The following MAJIN variants were observed in gnomAD, a reference collection of about 807,000 sequenced individuals.
MAJIN encodes membrane anchored junction protein.
Under a neutral mutation model 30.2 loss-of-function variants are expected in MAJIN, and 27 were observed. The observed-to-expected ratio is 0.89, with a 90% CI of 0.66 to 1.23. The LOEUF (loss-of-function observed/expected upper bound fraction) is 1.23, where lower values mean the gene tolerates loss of function less well. Among genes scored for constraint, MAJIN ranks in the 50% most tolerant of loss-of-function variants. The probability of loss-of-function intolerance (pLI) is 0.00; values close to 1 mark genes in which losing one functional copy is unlikely to be tolerated. For missense variants in MAJIN, 253 were observed against 260.3 expected (o/e 0.97, Z 0.19); for synonymous variants, 78 against 91.6 (o/e 0.85, Z 0.85).
chr11:64,946,497 T>C lies in MAJIN; in HGVS notation c.473+877A>G, dbSNP rs140500268. On this transcript the variant is annotated intron_variant, in intron 8 of 10. Coordinates refer to ENST00000301896, the MANE Select transcript of MAJIN (RefSeq NM_001037225.3). ...TCAGTCGAATGGAACAAAGCAAAGC[T>C]TCATACCTCCAAGTACCCTCACATT... Among the ~76,000 whole-genome samples the C allele has an allele frequency of 1.8e-3, 271 of 152,308 alleles. 3 individuals carry two copies. The highest frequency in any genetic ancestry group is 0.012 in the South Asian group (56 of 4,830).
intron 9 of MAJIN, chr11:64,939,985 T>C: frequency 2.3e-6 from 1 of 441,938 alleles, no homozygotes; most frequent in Non-Finnish European, 4.1e-6. Context: ...CTGGGATATT[T>C]ACACAGCTCA....
chr11:64,969,838 G>A (rs1282036873), intron 1 of MAJIN, among the ~76,000 whole-genome samples: 1 of 152,038 alleles, frequency 6.6e-6, no homozygotes, highest in African/African-American at 2.4e-5. Flanking sequence ...ATAAGGTGAG[G>A]GAGAGCGATG....
At chr11:64,960,016 A>T (rs1945698691) in intron 2 of MAJIN, 73 bp downstream of exon 2, 1 of 152,256 alleles carries the variant, frequency 6.6e-6, no homozygotes, top group Non-Finnish European at 1.5e-5. Flanking sequence ...AGATCTATCA[A>T]TTACTCTTCC....
chr11:64,962,560 TATGGG>T (rs1464272728), intron 1 of MAJIN, among the ~76,000 whole-genome samples: 2 of 152,162 alleles, frequency 1.3e-5, no homozygotes, highest in African/African-American at 4.8e-5. Flanking sequence ...TTACAGGCAG[TATGGG>T]ATAGTGCAAA....
intron 9 of MAJIN, 66 bp downstream of exon 9, chr11:64,940,508 A>C (rs563989848): frequency 1.5e-5 from 23 of 1,510,342 alleles, no homozygotes; most frequent in Non-Finnish European, 2.0e-5. Context: ...TGCTCTACAT[A>C]TCAGAGAACT....
At chr11:64,948,313 A>G (rs970489536) in intron 6 of MAJIN, among the ~76,000 whole-genome samples, 1 of 151,978 alleles carries the variant, frequency 6.6e-6, no homozygotes, top group Admixed American at 6.6e-5. Flanking sequence ...TCTACAAGCT[A>G]GAAAGGGTTT....
chr11:64,957,169 C>T (rs1415906855), intron 3 of MAJIN, among the ~76,000 whole-genome samples: 1 of 152,038 alleles, frequency 6.6e-6, no homozygotes, highest in African/African-American at 2.4e-5. Context: ...CCTCAACTCC[C>T]TGGGGCCAAC....
At chr11:64,964,775 T>C (rs766915485) in intron 1 of MAJIN, among the ~76,000 whole-genome samples, 7 of 152,028 alleles carry the variant, frequency 4.6e-5, no homozygotes, top group African/African-American at 7.2e-5. Flanking sequence ...TCTGTAGATA[T>C]GGGGTTTCGC....
Position 64,938,476 on chromosome 11 carries a change from G to T in MAJIN, c.*99C>A. On this transcript the variant is annotated 3_prime_UTR_variant, in exon 11 of 11. Transcript: ENST00000301896. Reference sequence around the variant, plus strand: ...GAGTTGGAGGAAGAATGGCTCGGGAGGAGTCACTACAAGAGATGATCCTCT... The same window carrying T: ...GAGTTGGAGGAAGAATGGCTCGGGATGAGTCACTACAAGAGATGATCCTCT... The T allele has an allele frequency of 6.6e-7, 1 of 1,506,148 alleles. No individual in the cohort carries two copies. Among genetic ancestry groups the T allele is most frequent in the Non-Finnish European group, 8.9e-7 (1 of 1,119,780 alleles). 93.3% of individuals were successfully genotyped at this position (1,506,148 alleles called of 1,614,324 possible). A position where few individuals can be genotyped will look rare whatever the true frequency, so the allele number is the denominator to read the frequency against.
chr11:64,948,641 T>TA (rs1340869416), intron 6 of MAJIN, among the ~76,000 whole-genome samples: 13 of 9,432 alleles, frequency 1.4e-3, no homozygotes, highest in East Asian at 4.5e-3. Flanking sequence ...ATATATATAT[T>TA]TTTTTTTTTT....
chr11:64,952,241 G>T (rs1473180665), intron 4 of MAJIN, among the ~76,000 whole-genome samples: 1 of 151,806 alleles, frequency 6.6e-6, no homozygotes, highest in Non-Finnish European at 1.5e-5. Flanking sequence ...AGTCTGGAGT[G>T]CAATGGCTTG....
rs551501344 is a variant in MAJIN, at chr11:64,968,566, G to A, written c.-65+3311C>T. Reference sequence around the variant, plus strand: ...CATGAGCCATCAGGCCAGGCATGGTGGCTCACGCCTGTAATCCCAGCACTT... The same window carrying A: ...CATGAGCCATCAGGCCAGGCATGGTAGCTCACGCCTGTAATCCCAGCACTT... On this transcript the variant is annotated intron_variant, in intron 1 of 10. Coordinates refer to ENST00000301896, the MANE Select transcript of MAJIN (RefSeq NM_001037225.3). Among the ~76,000 whole-genome samples, 6 of 151,928 alleles carry A rather than the reference G, an allele frequency of 3.9e-5. 1 individual carries two copies. The South Asian group carries it at 1.2e-3, about 32-fold the overall frequency.
intron 3 of MAJIN, among the ~76,000 whole-genome samples, chr11:64,955,158 T>A (rs1245274820): frequency 1.3e-5 from 2 of 152,346 alleles, no homozygotes; most frequent in Non-Finnish European, 2.9e-5. Context: ...CTCACTGTGT[T>A]AATATTTGTA....
At chr11:64,953,764 C>T (rs1308885672) in intron 4 of MAJIN, among the ~76,000 whole-genome samples, 1 of 152,136 alleles carries the variant, frequency 6.6e-6, no homozygotes, top group Non-Finnish European at 1.5e-5. Context: ...GCACTCCAGC[C>T]TGGTGACAGA....
At chr11:64,947,260 T>G in intron 8 of MAJIN, 114 bp downstream of exon 8, 1 of 804,836 alleles carries the variant, frequency 1.2e-6, no homozygotes, top group Non-Finnish European at 1.9e-6. Flanking sequence ...AGGCAGATAC[T>G]GATGAAGTCC....
At chr11:64,965,568 T>G (rs1945793296) in intron 1 of MAJIN, among the ~76,000 whole-genome samples, 1 of 152,306 alleles carries the variant, frequency 6.6e-6, no homozygotes, top group South Asian at 2.1e-4. Context: ...AGGTCCAGGA[T>G]GTGCTCCTTA....
rs762175102 is a variant in MAJIN at position 64,954,806 on chromosome 11, G to A, written c.102-4C>T. On this transcript the variant is annotated splice_region_variant and splice_polypyrimidine_tract_variant and intron_variant, in intron 3 of 10. Coordinates refer to ENST00000301896, the MANE Select transcript of MAJIN (RefSeq NM_001037225.3). ...CTTATTTTCTATCTCTTCTCCTCTA[G>A]AAGGTAAACAGACAAGAGACAAGTA... is the stretch of plus-strand genomic sequence containing the variant. The A allele has an allele frequency of 1.4e-5, 23 of 1,607,512 alleles. No homozygotes were observed. Among genetic ancestry groups the A allele is most frequent in the Middle Eastern group, 1.7e-4 (1 of 6,044 alleles).
intron 1 of MAJIN, among the ~76,000 whole-genome samples, chr11:64,970,775 C>T (rs990989686): frequency 6.6e-6 from 1 of 152,208 alleles, no homozygotes; most frequent in Non-Finnish European, 1.5e-5. Flanking sequence ...AAGATTCAAT[C>T]AAGGCTCTGG....
rs111280011 is a variant in MAJIN, at chr11:64,942,698, C to T, written c.474-2052G>A. On this transcript the variant is annotated intron_variant, in intron 8 of 10. Transcript: ENST00000301896. ...AATCCCAGACCACATGGGCAGCCAC[C>T]GAAGTCATATTCCTATAAAAGCAAC... Among the ~76,000 whole-genome samples the T allele has an allele frequency of 3.9e-3, 598 of 152,224 alleles. 3 individuals are homozygous for T. Among genetic ancestry groups the T allele is most frequent in the African/African-American group, 0.011 (437 of 41,526 alleles).
Sources: allele counts gnomAD v4.1 joint callset (sites outside exome capture counted in the v4.1 genomes callset), GRCh38; gene constraint gnomAD v4.1.1; transcripts MANE v1.5; gene names NCBI Gene and HGNC (gene_info 2026-07-23, HGNC 2026-07-21).